ADAMTSL1: variants seen among roughly 807,000 people sequenced by gnomAD.
ADAMTSL1 encodes ADAMTS like 1.
ADAMTSL1 carries 126 observed loss-of-function variants against 201.8 expected under a neutral mutation model. The observed-to-expected ratio is 0.62, with a 90% CI of 0.54 to 0.72. The LOEUF (loss-of-function observed/expected upper bound fraction) is 0.72. Ranked by LOEUF, ADAMTSL1 falls within the 30% of genes least tolerant of loss-of-function variation. ADAMTSL1 has a pLI of 0.00. For missense variants in ADAMTSL1, 2,679 were observed against 2,277.8 expected (o/e 1.18, Z -3.59); for synonymous variants, 1,121 against 903.4 (o/e 1.24, Z -4.32).
chr9:18,766,716 G>C (rs925263593), intron 16 of ADAMTSL1, among the ~76,000 whole-genome samples: 10 of 152,072 alleles, frequency 6.6e-5, no homozygotes, highest in African/African-American at 2.2e-4. Flanking sequence ...TGATGGAAGG[G>C]GCAAGGCAGC....
chr9:18,836,806 G>A (rs1341911226), intron 23 of ADAMTSL1, among the ~76,000 whole-genome samples: 1 of 152,110 alleles, frequency 6.6e-6, no homozygotes, highest in Non-Finnish European at 1.5e-5. Flanking sequence ...TCCTTGTGGA[G>A]ATCTTTAACC....
At chr9:18,608,769 T>C (rs1413364803) in intron 4 of ADAMTSL1, among the ~76,000 whole-genome samples, 1 of 152,166 alleles carries the variant, frequency 6.6e-6, no homozygotes, top group Non-Finnish European at 1.5e-5. Context: ...AGCTCACTTT[T>C]CTCTTAGGAT....
intron 19 of ADAMTSL1, 106 bp downstream of exon 19, chr9:18,778,012 AGAG>A: frequency 7.0e-7 from 1 of 1,432,052 alleles, no homozygotes; most frequent in Non-Finnish European, 9.3e-7. Flanking sequence ...GGTAGGGCTT[AGAG>A]CTGGCCTCGG....
intron 1 of ADAMTSL1, among the ~76,000 whole-genome samples, chr9:18,124,046 G>A (rs1354211035): frequency 7.8e-6 from 1 of 128,504 alleles, no homozygotes; most frequent in Admixed American, 7.7e-5. Context: ...GATTAATGAT[G>A]TTGAGTATCT....
At chr9:18,499,630 T>G (rs2131898616) in intron 1 of ADAMTSL1, among the ~76,000 whole-genome samples, 1 of 152,338 alleles carries the variant, frequency 6.6e-6, no homozygotes, top group African/African-American at 2.4e-5. Context: ...TGACATCCAT[T>G]TGATACAGCC....
chr9:18,674,648 T>C (rs1830033113), intron 9 of ADAMTSL1, among the ~76,000 whole-genome samples: 1 of 152,062 alleles, frequency 6.6e-6, no homozygotes, highest in African/African-American at 2.4e-5. Context: ...TTTATTAAAA[T>C]ATAAAGATCA....
chr9:18,718,135 G>T (rs1833076319), intron 14 of ADAMTSL1: 2 of 1,011,656 alleles, frequency 2.0e-6, no homozygotes, highest in Non-Finnish European at 3.2e-6. Context: ...CTAGATTTTT[G>T]ACCTTCTTCC....
At chr9:18,726,111 A>G (rs1016513682) in intron 15 of ADAMTSL1, among the ~76,000 whole-genome samples, 1 of 152,164 alleles carries the variant, frequency 6.6e-6, no homozygotes, top group African/African-American at 2.4e-5. Flanking sequence ...CTTTCTTTTC[A>G]TTTTCAAACT....
At chr9:18,261,442 C>G (rs913255558) in intron 2 of ADAMTSL1, among the ~76,000 whole-genome samples, 26 of 152,154 alleles carry the variant, frequency 1.7e-4, no homozygotes, top group Non-Finnish European at 2.9e-5. Context: ...CCTGAAATCC[C>G]TCAGGAAGCT....
At chr9:18,489,370 T>C (rs7863523) in intron 1 of ADAMTSL1, among the ~76,000 whole-genome samples, 27,751 of 152,060 alleles carry the variant, frequency 0.18, 3,343 homozygotes, top group African/African-American at 0.35. Flanking sequence ...GTTAAGTCTA[T>C]ATGTGAGAGG....
chr9:18,530,991 A>G (rs1193005354), intron 2 of ADAMTSL1, among the ~76,000 whole-genome samples: 1 of 152,192 alleles, frequency 6.6e-6, no homozygotes, highest in Non-Finnish European at 1.5e-5. Context: ...TTAGAATTCA[A>G]TTACCTTGTA....
At chr9:18,605,114 T>A (rs115458890) in intron 4 of ADAMTSL1, among the ~76,000 whole-genome samples, 2,550 of 152,280 alleles carry the variant, frequency 0.017, 78 homozygotes, top group African/African-American at 0.058. Flanking sequence ...TCCCTACCTT[T>A]TTTCCCTCTT....
chr9:18,123,935 T>A (rs147411370), intron 1 of ADAMTSL1, among the ~76,000 whole-genome samples: 7 of 152,330 alleles, frequency 4.6e-5, no homozygotes, highest in African/African-American at 1.7e-4. Context: ...GTTTCCAATT[T>A]GTCCACATTC....
chr9:18,164,205 T>A (rs892239673), intron 2 of ADAMTSL1, among the ~76,000 whole-genome samples: 2 of 151,942 alleles, frequency 1.3e-5, no homozygotes, highest in African/African-American at 4.8e-5. Context: ...ACTCAAGCGT[T>A]AAAGTTTGTT....
In ADAMTSL1 at chr9:18,887,919, C is replaced by T; in HGVS notation, c.4338C>T (p.His1446=). The T allele has an allele frequency of 6.2e-7, 1 of 1,614,026 alleles. No individual in the cohort carries two copies. Among genetic ancestry groups the T allele is most frequent in the African/African-American group, 1.3e-5 (1 of 75,044 alleles). The change falls in exon 24 of 29, where the codon CAC becomes CAT. Residue 1446 remains histidine, a synonymous_variant. Transcript: ENST00000380548. ...PIVTATGLTH[H]ILAAGQILQV... Reference sequence around the variant, plus strand: ...TCACTGCCACAGGACTGACGCATCACATCTTGGCAGCTGGACAGATCCTTC... The same window carrying T: ...TCACTGCCACAGGACTGACGCATCATATCTTGGCAGCTGGACAGATCCTTC...
At chr9:18,620,592 T>C (rs909631029) in intron 4 of ADAMTSL1, among the ~76,000 whole-genome samples, 1 of 152,230 alleles carries the variant, frequency 6.6e-6, no homozygotes, top group African/African-American at 2.4e-5. Flanking sequence ...ACTGCAGTTA[T>C]GTAGAAATAC....
At chr9:18,770,844 A>G in intron 17 of ADAMTSL1, 63 bp downstream of exon 17, 1 of 1,512,684 alleles carries the variant, frequency 6.6e-7, no homozygotes, top group Non-Finnish European at 9.0e-7. Context: ...CACCCCAGAC[A>G]TATACATAGA....
intron 2 of ADAMTSL1, among the ~76,000 whole-genome samples, chr9:18,525,232 G>A (rs4249005): frequency 0.076 from 11,506 of 152,186 alleles, 1,299 homozygotes; most frequent in African/African-American, 0.25. Flanking sequence ...TTTGCATAGA[G>A]GTGTTTATAG....
rs578121369 is a variant in ADAMTSL1, at chr9:18,083,085, A to G, written c.88-80777A>G. Among the ~76,000 whole-genome samples the G allele has an allele frequency of 4.6e-5, 7 of 152,382 alleles. No homozygotes were observed. The East Asian group carries it at 1.3e-3, about 29-fold the overall frequency. On this transcript the variant is annotated intron_variant, in intron 1 of 29. Coordinates refer to the ADAMTSL1 transcript ENST00000680146. ...TATTGCAATAGCGTTATAGAGGAAC[A>G]TGTGGAACGTAAGACTTGAGACAAA...
Sources: allele counts gnomAD v4.1 joint callset (sites outside exome capture counted in the v4.1 genomes callset), GRCh38; gene constraint gnomAD v4.1.1; transcripts MANE v1.5; gene names NCBI Gene and HGNC (gene_info 2026-07-23, HGNC 2026-07-21).